Variants in ADAMTS3 observed in about 807,000 individuals in gnomAD.
ADAMTS3 encodes ADAM metallopeptidase with thrombospondin type 1 motif 3, also known as A disintegrin and metalloproteinase with thrombospondin motifs 3.
In ADAMTS3, 73 loss-of-function variants were observed where a neutral mutation model predicts 129.0. That is an observed-to-expected ratio of 0.57 (90% CI 0.47 to 0.69). The LOEUF is 0.69. ADAMTS3 is among the 30% of genes least tolerant of loss of function. ADAMTS3 has a pLI of 0.00. For synonymous variants in ADAMTS3, 477 were observed against 510.8 expected (o/e 0.93, Z 0.89); for missense variants, 1,457 against 1,514.5 (o/e 0.96, Z 0.63).
intron 3 of ADAMTS3, among the ~76,000 whole-genome samples, chr4:72,482,309 G>T (rs1300377923): frequency 6.6e-6 from 1 of 151,510 alleles, no homozygotes; most frequent in Non-Finnish European, 1.5e-5. Flanking sequence ...CCATTCCTTG[G>T]AATAGTACAC....
In ADAMTS3 at chr4:72,569,201, G is replaced by C. The variant is rs1477160011; in HGVS notation, c.-439C>G. ...GGAAGTATTAGCGAGAGAGACGAGCGAGCGGGAGCGGGAGAAAGAGGCAGG... is the reference window on the plus strand; with the variant it reads ...GGAAGTATTAGCGAGAGAGACGAGCCAGCGGGAGCGGGAGAAAGAGGCAGG... On this transcript the variant is annotated 5_prime_UTR_variant, in exon 1 of 22. Transcript: ENST00000286657. The C allele has an allele frequency of 6.1e-6, 1 of 163,076 alleles. No individual in the cohort carries two copies. Among genetic ancestry groups the C allele is most frequent in the African/African-American group, 2.4e-5 (1 of 41,830 alleles). 10.1% of individuals were successfully genotyped at this position (163,076 alleles called of 1,614,324 possible).
intron 4 of ADAMTS3, among the ~76,000 whole-genome samples, chr4:72,376,920 A>G (rs1318576524): frequency 2.6e-5 from 4 of 152,310 alleles, no homozygotes; most frequent in African/African-American, 9.6e-5. Flanking sequence ...TAATGATCAA[A>G]TATCTAAGAA....
intron 4 of ADAMTS3, among the ~76,000 whole-genome samples, chr4:72,384,295 A>G (rs535398534): frequency 6.6e-6 from 1 of 152,290 alleles, no homozygotes; most frequent in African/African-American, 2.4e-5. Flanking sequence ...GAAGACATAT[A>G]TTTACAAATT....
chr4:72,306,087 A>C lies in ADAMTS3; in HGVS notation c.2180-20T>G. 6.4e-7 allele frequency: 1 copy of C among 1,569,782 alleles called. No individual in the cohort carries two copies. The highest frequency in any genetic ancestry group is 8.6e-7 in the Non-Finnish European group (1 of 1,157,294). ...GGTACCCTTTGCATGTGTAGTAAATATTGTAGGAAGCAAAGAAGAAAACAA... is the reference window on the plus strand; with the variant it reads ...GGTACCCTTTGCATGTGTAGTAAATCTTGTAGGAAGCAAAGAAGAAAACAA... On this transcript the variant is annotated intron_variant, in intron 15 of 21. Coordinates refer to ENST00000286657, the MANE Select transcript of ADAMTS3 (RefSeq NM_014243.3).
intron 3 of ADAMTS3, among the ~76,000 whole-genome samples, chr4:72,494,020 T>C (rs78646157): frequency 0.015 from 2,293 of 152,274 alleles, 60 homozygotes; most frequent in African/African-American, 0.053. Flanking sequence ...TCTTTGACAT[T>C]TGACAATTTG....
At chr4:72,499,782 C>T (rs1306552640) in intron 3 of ADAMTS3, among the ~76,000 whole-genome samples, 1 of 152,010 alleles carries the variant, frequency 6.6e-6, no homozygotes. Flanking sequence ...TTCCTAGCTC[C>T]CCACTGTAGT....
In ADAMTS3 at chr4:72,428,862, C is replaced by A. The variant is rs935483413; in HGVS notation, c.505-13891G>T. On this transcript the variant is annotated intron_variant, in intron 3 of 21. Coordinates refer to ENST00000286657, the MANE Select transcript of ADAMTS3 (RefSeq NM_014243.3). ...CCCAAGACATGAATTTGAAAAGCTG[C>A]TCCCTGCCAATATCCCGAAACCCAC... is the stretch of plus-strand genomic sequence containing the variant. Among the ~76,000 whole-genome samples, 3 of 152,040 alleles carry A rather than the reference C, an allele frequency of 2.0e-5. No homozygotes were observed. The South Asian group carries it at 6.2e-4, about 32-fold the overall frequency.
At chr4:72,494,093 C>T (rs1719815463) in intron 3 of ADAMTS3, among the ~76,000 whole-genome samples, 1 of 152,090 alleles carries the variant, frequency 6.6e-6, no homozygotes. Context: ...TTACAGCTTT[C>T]ATGAACTAGA....
chr4:72,479,789 T>G (rs547238072), intron 3 of ADAMTS3, among the ~76,000 whole-genome samples: 49 of 152,308 alleles, frequency 3.2e-4, no homozygotes, highest in Non-Finnish European at 5.4e-4. Context: ...TTTCGCAACC[T>G]ACTCATCTGA....
rs146419628 is a variant in ADAMTS3, at chr4:72,451,799, A to G, written c.505-36828T>C. 2.0e-3 allele frequency among the ~76,000 whole-genome samples: 306 copies of G among 151,964 alleles called. 1 individual carries two copies. Among genetic ancestry groups the G allele is most frequent in the African/African-American group, 6.9e-3 (288 of 41,540 alleles). On this transcript the variant is annotated intron_variant, in intron 3 of 21. Transcript: ENST00000286657. ...TGGAGATTTTAAATTGTTAAACAAT[A>G]GCTTTAAAGTTTGGAGGCCAGGCAC...
chr4:72,309,245 TA>T, intron 15 of ADAMTS3, 151 bp downstream of exon 15: 2 of 694,358 alleles, frequency 2.9e-6, no homozygotes, highest in Non-Finnish European at 4.5e-6. Flanking sequence ...TTTTTTTTTT[TA>T]AGTTCCTTAA....
chr4:72,544,061 A>C (rs700512), intron 3 of ADAMTS3, among the ~76,000 whole-genome samples: 4,023 of 152,232 alleles, frequency 0.026, 197 homozygotes, highest in African/African-American at 0.093. Flanking sequence ...GAGAATTTTC[A>C]GAAATTATGG....
intron 3 of ADAMTS3, among the ~76,000 whole-genome samples, chr4:72,487,024 T>C (rs1268491502): frequency 6.6e-6 from 1 of 152,168 alleles, no homozygotes; most frequent in Non-Finnish European, 1.5e-5. Flanking sequence ...CAGTCATCAC[T>C]TTTACTTTAC....
chr4:72,457,618 C>A (rs1718659196), intron 3 of ADAMTS3, among the ~76,000 whole-genome samples: 1 of 151,532 alleles, frequency 6.6e-6, no homozygotes. Flanking sequence ...AAAAACTTTG[C>A]CTGCTCTAAC....
At chr4:72,411,422 C>G (rs1722181457) in intron 4 of ADAMTS3, among the ~76,000 whole-genome samples, 1 of 152,072 alleles carries the variant, frequency 6.6e-6, no homozygotes, top group Non-Finnish European at 1.5e-5. Context: ...ATAAAGTCCT[C>G]CTTATCTATA....
At chr4:72,437,116 T>C (rs1717958476) in intron 3 of ADAMTS3, among the ~76,000 whole-genome samples, 1 of 151,836 alleles carries the variant, frequency 6.6e-6, no homozygotes, top group Non-Finnish European at 1.5e-5. Flanking sequence ...AACATGACAA[T>C]AGTTAAAAGT....
chr4:72,283,950 G>C (rs901642265), intron 21 of ADAMTS3, among the ~76,000 whole-genome samples: 7 of 152,126 alleles, frequency 4.6e-5, no homozygotes, highest in African/African-American at 1.7e-4. Flanking sequence ...GGAGTCTTCA[G>C]ACCACAGAGG....
At chr4:72,429,527 T>G (rs1029500105) in intron 3 of ADAMTS3, among the ~76,000 whole-genome samples, 5 of 152,010 alleles carry the variant, frequency 3.3e-5, no homozygotes, top group Non-Finnish European at 5.9e-5. Flanking sequence ...TAGACATTAT[T>G]CAAAAAAGCA....
intron 3 of ADAMTS3, among the ~76,000 whole-genome samples, chr4:72,493,592 G>A (rs576615144): frequency 3.3e-5 from 5 of 152,014 alleles, no homozygotes; most frequent in African/African-American, 4.8e-5. Context: ...ATCTATTAAT[G>A]TATGTGTTAA....
Sources: allele counts gnomAD v4.1 joint callset (sites outside exome capture counted in the v4.1 genomes callset), GRCh38; gene constraint gnomAD v4.1.1; transcripts MANE v1.5; gene names NCBI Gene and HGNC (gene_info 2026-07-23, HGNC 2026-07-21).